NOS1AP: variants seen among roughly 807,000 people sequenced by gnomAD.
The protein encoded by NOS1AP is nitric oxide synthase 1 adaptor protein.
NOS1AP carries 21 observed loss-of-function variants against 56.2 expected under a neutral mutation model. The observed-to-expected ratio is 0.37, with a 90% CI of 0.26 to 0.54. The LOEUF is 0.54. NOS1AP is among the 20% of genes least tolerant of loss of function. The probability of loss-of-function intolerance (pLI) is 0.84; values close to 1 mark genes in which losing one functional copy is unlikely to be tolerated. For missense variants in NOS1AP, 522 were observed against 657.8 expected, an observed-to-expected ratio of 0.79 and a Z score of 2.26; for synonymous variants, 270 against 274.6, an observed-to-expected ratio of 0.98 and a Z score of 0.17.
At chr1:162,192,877 T>TC (rs1651687944) in intron 2 of NOS1AP, among the ~76,000 whole-genome samples, 1 of 152,076 alleles carries the variant, frequency 6.6e-6, no homozygotes, top group South Asian at 2.1e-4. Flanking sequence ...CATCCTCCCT[T>TC]CCTTTATAGA....
intron 3 of NOS1AP, among the ~76,000 whole-genome samples, chr1:162,289,441 G>A (rs947402091): frequency 6.7e-6 from 1 of 148,548 alleles, no homozygotes; most frequent in African/African-American, 2.5e-5. Flanking sequence ...GTGATTACTG[G>A]CGCCTGCCAC....
intron 1 of NOS1AP, among the ~76,000 whole-genome samples, chr1:162,128,659 T>C (rs553556046): frequency 6.6e-6 from 1 of 152,368 alleles, no homozygotes; most frequent in East Asian, 1.9e-4. Flanking sequence ...CCTATTTTTT[T>C]ATTATCCATT....
At chr1:162,154,316 A>G in intron 1 of NOS1AP, 89 bp from the exon 2 acceptor site, 2 of 1,116,158 alleles carry the variant, frequency 1.8e-6, no homozygotes, top group Non-Finnish European at 2.7e-6. Flanking sequence ...AAATGGGCAG[A>G]TGAGCTAGTC....
chr1:162,200,951 T>A lies in NOS1AP; in HGVS notation c.177+46475T>A, dbSNP rs557287030. On this transcript the variant is annotated intron_variant, in intron 2 of 9. Coordinates refer to ENST00000361897, the MANE Select transcript of NOS1AP (RefSeq NM_014697.3). The stretch of plus-strand genomic sequence containing the variant: ...AAGTTGAGTCCATGTGCAGGTTTGT[T>A]ACGTAGGTAAACATGTGTCATAGGG... 1.6e-4 allele frequency among the ~76,000 whole-genome samples: 24 copies of A among 152,356 alleles called. 1 individual carries two copies. In the South Asian group the frequency reaches 4.8e-3, roughly 30 times the overall value.
intron 3 of NOS1AP, among the ~76,000 whole-genome samples, chr1:162,290,488 T>C (rs924904415): frequency 1.3e-5 from 2 of 152,104 alleles, no homozygotes; most frequent in Non-Finnish European, 2.9e-5. Flanking sequence ...GAGGTGAGAG[T>C]AGACATGCTA....
At chr1:162,080,121 A>G (rs1280509938) in intron 1 of NOS1AP, among the ~76,000 whole-genome samples, 3 of 152,234 alleles carry the variant, frequency 2.0e-5, no homozygotes, top group African/African-American at 7.2e-5. Context: ...GGAATCTTCT[A>G]TCATGGGATT....
chr1:162,218,088 G>C (rs2101654334), intron 2 of NOS1AP, among the ~76,000 whole-genome samples: 1 of 152,220 alleles, frequency 6.6e-6, no homozygotes, highest in African/African-American at 2.4e-5. Flanking sequence ...CTCAAACCTG[G>C]GGCCTTTCTC....
At chr1:162,224,199 G>T (rs533524796) in intron 2 of NOS1AP, among the ~76,000 whole-genome samples, 92 of 151,848 alleles carry the variant, frequency 6.1e-4, no homozygotes, top group Non-Finnish European at 1.1e-3. Flanking sequence ...TTTTGTGCAG[G>T]TCAGGGATCC....
intron 8 of NOS1AP, chr1:162,360,484 G>A (rs1011332641): frequency 2.5e-5 from 7 of 279,474 alleles, no homozygotes; most frequent in African/African-American, 1.3e-4. Context: ...TGTTAAGTAG[G>A]CCAGGTCTAT....
intron 1 of NOS1AP, among the ~76,000 whole-genome samples, chr1:162,086,918 G>A (rs544658745): frequency 1.3e-5 from 2 of 152,236 alleles, no homozygotes; most frequent in South Asian, 2.1e-4. Flanking sequence ...ACAACTCCAC[G>A]CTCATCTTGT....
At chr1:162,193,592 T>C (rs1249989851) in intron 2 of NOS1AP, among the ~76,000 whole-genome samples, 1 of 152,212 alleles carries the variant, frequency 6.6e-6, no homozygotes, top group Non-Finnish European at 1.5e-5. Flanking sequence ...TGAATGTTTG[T>C]CTATCTTGCT....
At chr1:162,227,216 A>G (rs549860110) in intron 2 of NOS1AP, among the ~76,000 whole-genome samples, 1 of 152,202 alleles carries the variant, frequency 6.6e-6, no homozygotes, top group East Asian at 1.9e-4. Flanking sequence ...TGTTTAATCT[A>G]TTTCTATATA....
rs745629880 is a variant in NOS1AP, at chr1:162,360,710, C to T, written c.939+3574C>T. The T allele has an allele frequency of 2.2e-4, 96 of 431,100 alleles. 2 individuals carry two copies. The highest frequency in any genetic ancestry group is 3.5e-4 in the Non-Finnish European group (74 of 214,154). 26.7% of individuals were successfully genotyped at this position (431,100 alleles called of 1,614,324 possible). ...CCCAGGCCCTCTATTTAGCATATGT[C>T]CCTGTGGCTTCTCCCAGTCCCCAGC... On this transcript the variant is annotated intron_variant, in intron 8 of 9. Coordinates refer to ENST00000361897, the MANE Select transcript of NOS1AP (RefSeq NM_014697.3).
intron 3 of NOS1AP, among the ~76,000 whole-genome samples, chr1:162,294,953 G>A (rs371165334): frequency 9.9e-5 from 15 of 152,244 alleles, no homozygotes; most frequent in East Asian, 1.9e-4. Flanking sequence ...AGCATTTAGC[G>A]TATTGGCCTC....
intron 2 of NOS1AP, among the ~76,000 whole-genome samples, chr1:162,181,077 C>CT (rs1651241473): frequency 6.6e-6 from 1 of 152,178 alleles, no homozygotes; most frequent in African/African-American, 2.4e-5. Flanking sequence ...AATTGCAAGT[C>CT]TTGCAAAAGA....
chr1:162,137,729 TG>T (rs1649064033), intron 1 of NOS1AP, among the ~76,000 whole-genome samples: 2 of 152,052 alleles, frequency 1.3e-5, no homozygotes, highest in South Asian at 4.2e-4. Context: ...GGGTCTCCCT[TG>T]AGCCTTCAGT....
intron 2 of NOS1AP, among the ~76,000 whole-genome samples, chr1:162,270,637 A>C (rs1258495208): frequency 6.6e-6 from 1 of 152,226 alleles, no homozygotes; most frequent in Admixed American, 6.5e-5. Context: ...GTAATTACAT[A>C]AGTGCAGACA....
intron 2 of NOS1AP, among the ~76,000 whole-genome samples, chr1:162,224,891 G>A (rs1364098865): frequency 1.3e-5 from 2 of 152,126 alleles, no homozygotes; most frequent in African/African-American, 4.8e-5. Flanking sequence ...GGGGCTCTTG[G>A]GTCAGTGAGC....
chr1:162,364,105 TA>T (rs962354090), intron 8 of NOS1AP: 4 of 985,364 alleles, frequency 4.1e-6, no homozygotes, highest in Non-Finnish European at 4.8e-6. Context: ...CTTTACTCCC[TA>T]AAAAAATGTG....
Sources: gnomAD v4.1 joint callset for allele counts (sites outside exome capture counted in the v4.1 genomes callset) on GRCh38, gnomAD v4.1.1 for gene constraint, MANE v1.5 for transcripts, NCBI Gene and HGNC (gene_info 2026-07-23, HGNC 2026-07-21) for gene names.